PEX14: variants seen among roughly 807,000 people sequenced by gnomAD.
PEX14 encodes the protein peroxisomal biogenesis factor 14.
A neutral mutation model predicts 49.5 loss-of-function variants in PEX14; 15 were observed. The observed-to-expected ratio is 0.30, with a 90% CI of 0.20 to 0.47. The LOEUF (loss-of-function observed/expected upper bound fraction) is 0.47. Among genes scored for constraint, PEX14 ranks in the 20% least tolerant of loss-of-function variants. The probability of loss-of-function intolerance (pLI) is 1.00; values close to 1 mark genes in which losing one functional copy is unlikely to be tolerated. For missense variants in PEX14, 398 were observed against 494.8 expected (o/e 0.80, Z 1.86); for synonymous variants, 210 against 212.7 (o/e 0.99, Z 0.11).
intron 1 of PEX14, among the ~76,000 whole-genome samples, chr1:10,475,945 C>G (rs564988029): frequency 6.6e-6 from 1 of 152,310 alleles, no homozygotes; most frequent in South Asian, 2.1e-4. Flanking sequence ...GGGTTTGTGA[C>G]ATGCCCCAAA....
At chr1:10,592,852 T>A (rs1051079036) in intron 3 of PEX14, among the ~76,000 whole-genome samples, 2 of 152,258 alleles carry the variant, frequency 1.3e-5, no homozygotes, top group Non-Finnish European at 2.9e-5. Flanking sequence ...TTTGTGTGTC[T>A]CACTGGTAGT....
intron 3 of PEX14, among the ~76,000 whole-genome samples, chr1:10,569,768 A>G (rs1639917553): frequency 6.6e-6 from 1 of 152,088 alleles, no homozygotes; most frequent in Admixed American, 6.5e-5. Context: ...TCTTGAGGAC[A>G]TTTTCCATTG....
At chr1:10,548,249 A>C (rs1000061908) in intron 3 of PEX14, among the ~76,000 whole-genome samples, 3 of 151,966 alleles carry the variant, frequency 2.0e-5, no homozygotes, top group African/African-American at 4.8e-5. Flanking sequence ...CAAAAAGAAA[A>C]ATTTCTTTCT....
At chr1:10,492,477 C>T (rs918976101) in intron 1 of PEX14, among the ~76,000 whole-genome samples, 1 of 152,110 alleles carries the variant, frequency 6.6e-6, no homozygotes, top group Non-Finnish European at 1.5e-5. Context: ...GGTTCAAATC[C>T]CTGTAGTACC....
In PEX14 at chr1:10,629,618, C is replaced by G. The variant is rs755259929; in HGVS notation, c.765C>G (p.Ala255=). The change falls in exon 9 of 9, where the codon GCC becomes GCG. Residue 255 remains alanine, a synonymous_variant. Transcript: ENST00000356607. The surrounding 1 kb of genome is among the most constrained non-coding windows in gnomAD (Gnocchi z 8.5). ...CACCGTCACCCTCCAGCCCTGCGGC[C>G]GTGAACCACCACAGCAGCAGCGACA... ...VKSPSPSSPA[A]VNHHSSSDIS... The G allele has an allele frequency of 6.2e-7, 1 of 1,613,508 alleles. No homozygotes were observed. Among genetic ancestry groups the G allele is most frequent in the Non-Finnish European group, 8.5e-7 (1 of 1,179,786 alleles).
At chr1:10,627,825 G>A (rs1641794509) in intron 8 of PEX14, among the ~76,000 whole-genome samples, 1 of 152,254 alleles carries the variant, frequency 6.6e-6, no homozygotes, top group South Asian at 2.1e-4. Flanking sequence ...CTTCTTGGTT[G>A]TCCCCCTGTT....
chr1:10,510,260 A>G (rs1055475446), intron 2 of PEX14, among the ~76,000 whole-genome samples: 2 of 152,184 alleles, frequency 1.3e-5, no homozygotes, highest in Admixed American at 6.5e-5. Flanking sequence ...CATGTCTACA[A>G]AGTATTAATT....
intron 2 of PEX14, among the ~76,000 whole-genome samples, chr1:10,503,229 C>T (rs1438305488): frequency 1.6e-5 from 2 of 127,530 alleles, no homozygotes; most frequent in African/African-American, 6.0e-5. Context: ...TTGCAGTGAG[C>T]TGAGATTGTG....
rs985020334 is a variant in PEX14, at chr1:10,628,147, G to T, written c.677+784G>T. On this transcript the variant is annotated intron_variant, in intron 8 of 8. Coordinates refer to ENST00000356607, the MANE Select transcript of PEX14 (RefSeq NM_004565.3). The surrounding 1 kb of genome is among the most constrained non-coding windows in gnomAD (Gnocchi z 4.5). The stretch of plus-strand genomic sequence containing the variant: ...GGTGGGATTTTGCTATGTTGGCCAG[G>T]CTGGTCTTGAATTCCCGACCTCAGG... 6.6e-6 allele frequency among the ~76,000 whole-genome samples: 1 copy of T among 152,210 alleles called. No homozygotes were observed. The highest frequency in any genetic ancestry group is 1.5e-5 in the Non-Finnish European group (1 of 68,040).
At chr1:10,569,050 AGATT>A (rs1639897249) in intron 3 of PEX14, among the ~76,000 whole-genome samples, 1 of 152,104 alleles carries the variant, frequency 6.6e-6, no homozygotes. Context: ...TTTGAAGTAG[AGATT>A]GATGGAGATC....
chr1:10,619,901 G>A (rs976974704), intron 5 of PEX14, among the ~76,000 whole-genome samples: 5 of 151,814 alleles, frequency 3.3e-5, no homozygotes, highest in Non-Finnish European at 7.4e-5. Context: ...TGATCACGAG[G>A]TCAGTAGATC....
intron 3 of PEX14, among the ~76,000 whole-genome samples, chr1:10,594,139 C>T (rs1640756477): frequency 6.6e-6 from 1 of 152,136 alleles, no homozygotes; most frequent in Non-Finnish European, 1.5e-5. Flanking sequence ...TCTGAGAGTC[C>T]TTATTGTACT....
intron 3 of PEX14, among the ~76,000 whole-genome samples, chr1:10,542,907 G>A (rs146160897): frequency 1.2e-4 from 18 of 152,324 alleles, no homozygotes; most frequent in Non-Finnish European, 2.2e-4. Flanking sequence ...GCACCATGCT[G>A]AAGTCAGAGC....
At chr1:10,551,798 C>T (rs999900353) in intron 3 of PEX14, among the ~76,000 whole-genome samples, 3 of 152,064 alleles carry the variant, frequency 2.0e-5, no homozygotes, top group African/African-American at 7.2e-5. Context: ...GTTAGCCTAA[C>T]AAAAATACAA....
chr1:10,547,714 T>C (rs1038245215), intron 3 of PEX14, among the ~76,000 whole-genome samples: 1 of 152,182 alleles, frequency 6.6e-6, no homozygotes, highest in Admixed American at 6.5e-5. Context: ...TATTTTCAGG[T>C]AACTGAGACT....
intron 2 of PEX14, among the ~76,000 whole-genome samples, chr1:10,515,798 A>G (rs1339457873): frequency 2.0e-5 from 3 of 152,168 alleles, no homozygotes; most frequent in South Asian, 2.1e-4. Flanking sequence ...TCAGCCTGTC[A>G]TGTCTCAGCC....
rs17035212 is a variant in PEX14 at position 10,539,506 on chromosome 1, C to T, written c.169+3209C>T. Among the ~76,000 whole-genome samples, 1,704 of 152,296 alleles carry T rather than the reference C, an allele frequency of 0.011. 35 individuals carry two copies. Among genetic ancestry groups the T allele is most frequent in the African/African-American group, 0.039 (1,607 of 41,544 alleles). ...AATGTTTTTGTTTTCCTTCCAACCACTTGATTCTGCAGATGACACATCAAC... is the reference window on the plus strand; with the variant it reads ...AATGTTTTTGTTTTCCTTCCAACCATTTGATTCTGCAGATGACACATCAAC... On this transcript the variant is annotated intron_variant, in intron 3 of 8. Coordinates refer to ENST00000356607, the MANE Select transcript of PEX14 (RefSeq NM_004565.3). The surrounding 1 kb of genome is among the most constrained non-coding windows in gnomAD (Gnocchi z 4.6).
intron 1 of PEX14, among the ~76,000 whole-genome samples, chr1:10,489,507 G>A (rs1169178728): frequency 6.6e-6 from 1 of 152,140 alleles, no homozygotes; most frequent in African/African-American, 2.4e-5. Context: ...TGCCCTGTGA[G>A]GACACTCCAG....
At chr1:10,616,465 G>A (rs1322665513) in intron 4 of PEX14, among the ~76,000 whole-genome samples, 1 of 152,174 alleles carries the variant, frequency 6.6e-6, no homozygotes, top group Non-Finnish European at 1.5e-5. Flanking sequence ...AGTTCAGAAC[G>A]CTGCTGATTT....
Sources: gnomAD v4.1 joint callset for allele counts (sites outside exome capture counted in the v4.1 genomes callset) on GRCh38, gnomAD v4.1.1 for gene constraint, Gnocchi (gnomAD v3.1) non-coding constraint, MANE v1.5 for transcripts, NCBI Gene and HGNC (gene_info 2026-07-23, HGNC 2026-07-21) for gene names.